Variants in NDST4 observed in about 807,000 individuals in gnomAD.
NDST4 encodes the protein N-heparan sulfate sulfotransferase 4.
Under a neutral mutation model 100.8 loss-of-function variants are expected in NDST4, and 63 were observed. The ratio of observed to expected loss-of-function variants is 0.62; its 90% CI spans 0.51 to 0.77. NDST4 has a LOEUF of 0.77. NDST4 is among the 30% of genes least tolerant of loss of function. The pLI is 0.00. For missense variants in NDST4, 943 were observed against 1,018.4 expected, an observed-to-expected ratio of 0.93 and a Z score of 1.01; for synonymous variants, 377 against 361.8, an observed-to-expected ratio of 1.04 and a Z score of -0.48.
chr4:114,938,382 C>A (rs1300595520), intron 4 of NDST4, among the ~76,000 whole-genome samples: 1 of 152,126 alleles, frequency 6.6e-6, no homozygotes, highest in Admixed American at 6.5e-5. Flanking sequence ...TAAATTTAAA[C>A]AAGAATATAA....
intron 7 of NDST4, among the ~76,000 whole-genome samples, chr4:114,862,926 G>A (rs1397480952): frequency 6.6e-6 from 1 of 151,942 alleles, no homozygotes; most frequent in African/African-American, 2.4e-5. Context: ...CTCAATATAG[G>A]CAGATTGTCT....
chr4:115,048,740 C>T (rs904672771), intron 2 of NDST4, among the ~76,000 whole-genome samples: 2 of 152,032 alleles, frequency 1.3e-5, no homozygotes, highest in African/African-American at 4.8e-5. Context: ...GTGGTTCAAG[C>T]GATTCTCCTG....
chr4:114,939,379 C>A (rs1255522568), intron 4 of NDST4, among the ~76,000 whole-genome samples: 1 of 152,132 alleles, frequency 6.6e-6, no homozygotes, highest in Admixed American at 6.5e-5. Flanking sequence ...TTTACTCTCT[C>A]AAGTGATTCA....
chr4:115,100,193 T>C (rs1406158892), intron 1 of NDST4, among the ~76,000 whole-genome samples: 1 of 151,902 alleles, frequency 6.6e-6, no homozygotes, highest in Non-Finnish European at 1.5e-5. Flanking sequence ...GGAACACAGG[T>C]GATATTTAGG....
At chr4:114,946,678 G>C (rs763300030) in intron 4 of NDST4, among the ~76,000 whole-genome samples, 29 of 152,154 alleles carry the variant, frequency 1.9e-4, no homozygotes, top group Non-Finnish European at 3.7e-4. Context: ...ATGTCAAGAG[G>C]CAGAGTTGCT....
intron 2 of NDST4, among the ~76,000 whole-genome samples, chr4:115,059,558 A>G (rs956647150): frequency 1.3e-5 from 2 of 152,164 alleles, no homozygotes; most frequent in African/African-American, 4.8e-5. Context: ...GATGTGAACA[A>G]AATTATTAAC....
intron 6 of NDST4, among the ~76,000 whole-genome samples, chr4:114,913,805 G>A (rs771147667): frequency 4.0e-5 from 6 of 150,234 alleles, no homozygotes; most frequent in Non-Finnish European, 7.4e-5. Flanking sequence ...GCATAGTAAT[G>A]CATTGGTATA....
At chr4:115,018,762 A>C (rs13126512) in intron 2 of NDST4, among the ~76,000 whole-genome samples, 65,833 of 151,696 alleles carry the variant, frequency 0.43, 16,314 homozygotes, top group Non-Finnish European at 0.58. Flanking sequence ...CTAAGCACTT[A>C]TAAAATTATT....
chr4:114,859,579 C>A (rs1723873869), intron 7 of NDST4, among the ~76,000 whole-genome samples: 1 of 152,178 alleles, frequency 6.6e-6, no homozygotes, highest in Non-Finnish European at 1.5e-5. Context: ...CTGAACTTTG[C>A]CAGCTGCTAT....
chr4:115,076,595 C>T lies in NDST4; in HGVS notation c.442G>A (p.Glu148Lys), dbSNP rs1419125683. 1.2e-6 allele frequency: 2 copies of T among 1,613,792 alleles called. No homozygotes were observed. Among genetic ancestry groups the T allele is most frequent in the Non-Finnish European group, 1.7e-6 (2 of 1,179,940 alleles). ...KYVSMDSWNR[E>K]LLEKYCVEYS... is the part of the protein sequence containing the mutation. ...TCCACACAGTATTTTTCTAAAAGCT[C>T]TCGATTCCATGAGTCCATGCTGACA... The change falls in exon 2 of 14, where the codon GAG (glutamate) becomes AAG (lysine). Residue 148 changes from glutamate to lysine, a missense_variant. Physicochemically the swap from Glu to Lys is moderately conservative, Grantham distance 56. Coordinates refer to ENST00000264363, the MANE Select transcript of NDST4 (RefSeq NM_022569.3).
rs369719779 is a variant in NDST4 at position 114,845,897 on chromosome 4, C to A, written c.2041G>T (p.Ala681Ser). The stretch of plus-strand genomic sequence containing the variant: ...ATCTTGGCTTTGGGGACAAGAGATG[C>A]GGCTCGTCTTGGAGCTTCTTCCGAA... The part of the protein sequence containing the change: ...FHSEEAPRRA[A>S]SLVPKAKIIT... Residue 681 changes from alanine to serine, a missense_variant, in exon 10 of 14, where the codon GCA (alanine) becomes TCA (serine). Transcript: ENST00000264363. 61 of 1,613,856 alleles carry A rather than the reference C, an allele frequency of 3.8e-5. No individual in the cohort carries two copies. The highest frequency in any genetic ancestry group is 4.9e-5 in the Non-Finnish European group (58 of 1,179,920).
chr4:115,088,926 G>A (rs1210362195), intron 1 of NDST4, among the ~76,000 whole-genome samples: 1 of 152,020 alleles, frequency 6.6e-6, no homozygotes. Flanking sequence ...CCACAATGCT[G>A]TCATAGTACA....
intron 6 of NDST4, among the ~76,000 whole-genome samples, chr4:114,916,961 C>T (rs1283614933): frequency 6.6e-6 from 1 of 151,884 alleles, no homozygotes; most frequent in East Asian, 1.9e-4. Context: ...TAACCTATTG[C>T]TGTGAGGTGA....
In NDST4 at chr4:115,033,153, A is replaced by T. The variant is rs200425914; in HGVS notation, c.978+42906T>A. 2.5e-3 allele frequency among the ~76,000 whole-genome samples: 189 copies of T among 75,582 alleles called. 2 individuals are homozygous for T. In the Middle Eastern group the frequency reaches 0.026, roughly 10 times the overall value. The allele number at this position is 75,582 out of a possible 152,430, so 49.6% of individuals were successfully genotyped here. A position where few individuals can be genotyped will look rare whatever the true frequency, so the allele number is the denominator to read the frequency against. Reference sequence around the variant, plus strand: ...TGTGTATATATATATATATATATATATATATTTTTTTTTTTTTTGAAACAG... The same window carrying T: ...TGTGTATATATATATATATATATATTTATATTTTTTTTTTTTTTGAAACAG... On this transcript the variant is annotated intron_variant, in intron 2 of 13. Transcript: ENST00000264363.
intron 2 of NDST4, among the ~76,000 whole-genome samples, chr4:115,066,769 C>T (rs1728955234): frequency 6.6e-6 from 1 of 152,156 alleles, no homozygotes; most frequent in Non-Finnish European, 1.5e-5. Context: ...CCCTCCCTGA[C>T]AAGGGAGATC....
At chr4:114,990,668 G>A (rs1166809449) in intron 2 of NDST4, among the ~76,000 whole-genome samples, 1 of 152,078 alleles carries the variant, frequency 6.6e-6, no homozygotes, top group Non-Finnish European at 1.5e-5. Context: ...AAGCAAGACA[G>A]ATATATTTCT....
chr4:114,877,195 T>C (rs1724273836), intron 6 of NDST4, among the ~76,000 whole-genome samples: 1 of 152,184 alleles, frequency 6.6e-6, no homozygotes, highest in Non-Finnish European at 1.5e-5. Flanking sequence ...TCCGTCTATT[T>C]TCTGCTTCAT....
intron 6 of NDST4, among the ~76,000 whole-genome samples, chr4:114,919,733 A>T (rs1305750266): frequency 1.3e-5 from 2 of 152,322 alleles, no homozygotes; most frequent in East Asian, 3.9e-4. Flanking sequence ...TTTACGTTTA[A>T]CAATAATATT....
intron 6 of NDST4, among the ~76,000 whole-genome samples, chr4:114,882,467 G>A (rs1724390838): frequency 1.3e-5 from 2 of 152,062 alleles, no homozygotes; most frequent in African/African-American, 4.8e-5. Flanking sequence ...CACATACTTA[G>A]TGAGCTGGTG....
Sources: allele counts gnomAD v4.1 joint callset (sites outside exome capture counted in the v4.1 genomes callset), GRCh38; gene constraint gnomAD v4.1.1; transcripts MANE v1.5; gene names NCBI Gene and HGNC (gene_info 2026-07-23, HGNC 2026-07-21).